GMDS: variants seen among roughly 807,000 people sequenced by gnomAD.
GMDS encodes the protein GDP-mannose 4,6 dehydratase.
A neutral mutation model predicts 49.9 loss-of-function variants in GMDS; 20 were observed. The observed-to-expected ratio is 0.40, with a 90% CI of 0.28 to 0.58. The LOEUF (loss-of-function observed/expected upper bound fraction) is 0.58. Among genes scored for constraint, GMDS ranks in the 20% least tolerant of loss-of-function variants. GMDS has a pLI of 0.42. For missense variants in GMDS, 362 were observed against 481.4 expected, an observed-to-expected ratio of 0.75 and a Z score of 2.32; for synonymous variants, 177 against 178.6, an observed-to-expected ratio of 0.99 and a Z score of 0.07.
chr6:1,991,384 T>C (rs1193616820), intron 4 of GMDS, among the ~76,000 whole-genome samples: 1 of 152,022 alleles, frequency 6.6e-6, no homozygotes, highest in Non-Finnish European at 1.5e-5. Context: ...CCCCACATCG[T>C]CACCCACCCC....
intron 7 of GMDS, among the ~76,000 whole-genome samples, chr6:1,852,660 T>C (rs1757733821): frequency 6.6e-6 from 1 of 152,172 alleles, no homozygotes; most frequent in Non-Finnish European, 1.5e-5. Flanking sequence ...TATCCTGAAC[T>C]ATTTTTTCTG....
chr6:1,866,365 C>A (rs1222945722), intron 7 of GMDS, among the ~76,000 whole-genome samples: 1 of 152,134 alleles, frequency 6.6e-6, no homozygotes, highest in Non-Finnish European at 1.5e-5. Flanking sequence ...AAGGCCTGAG[C>A]TTCACGAAGT....
At position 1,726,402 on chromosome 6, in the gene GMDS, CAG is replaced by C. The variant is rs771381227; in HGVS notation, c.987+12_987+13del. On this transcript the variant is annotated intron_variant, in intron 9 of 10. Coordinates refer to ENST00000380815, the MANE Select transcript of GMDS (RefSeq NM_001500.4). ...CAAATGTGGCCACGCACTGGGTGGC[CAG>C]AGAGTCCTTACCACTTCAGTTGGCC... The C allele has an allele frequency of 1.9e-6, 3 of 1,584,930 alleles. No individual in the cohort carries two copies. The highest frequency in any genetic ancestry group is 2.2e-5 in the South Asian group (2 of 90,542).
chr6:2,096,794 C>A (rs1265312075), intron 4 of GMDS, among the ~76,000 whole-genome samples: 3 of 152,156 alleles, frequency 2.0e-5, no homozygotes, highest in Admixed American at 2.0e-4. Context: ...GCTCCAAGTA[C>A]AGTTATCTCA....
chr6:1,852,968 C>T (rs960255103), intron 7 of GMDS, among the ~76,000 whole-genome samples: 6 of 151,874 alleles, frequency 4.0e-5, no homozygotes, highest in African/African-American at 1.4e-4. Flanking sequence ...TCCCAAAGTG[C>T]TGGGATTACA....
chr6:2,163,823 A>G (rs533300238), intron 1 of GMDS, among the ~76,000 whole-genome samples: 2 of 152,192 alleles, frequency 1.3e-5, no homozygotes, highest in African/African-American at 2.4e-5. Context: ...TAGGTTTCCC[A>G]ATTCAGTGAC....
rs11961354 is a variant in GMDS, at chr6:1,810,999, C to G, written c.772-68413G>C. ...GTCTTTTCTCCTAGTTTTTTTTTTCCCTCTCCCAGTATTGCTGTAAAGTGG... is the reference window on the plus strand; with the variant it reads ...GTCTTTTCTCCTAGTTTTTTTTTTCGCTCTCCCAGTATTGCTGTAAAGTGG... On this transcript the variant is annotated intron_variant, in intron 7 of 10. Coordinates refer to ENST00000380815, the MANE Select transcript of GMDS (RefSeq NM_001500.4). Among the ~76,000 whole-genome samples, 986 of 151,196 alleles carry G rather than the reference C, an allele frequency of 6.5e-3. 9 individuals carry two copies. Among genetic ancestry groups the G allele is most frequent in the African/African-American group, 0.023 (948 of 41,216 alleles).
At chr6:1,794,979 C>T (rs903879368) in intron 7 of GMDS, among the ~76,000 whole-genome samples, 1 of 152,062 alleles carries the variant, frequency 6.6e-6, no homozygotes, top group Non-Finnish European at 1.5e-5. Flanking sequence ...TACTTGAGCC[C>T]AGGAGTTTGA....
At position 1,650,964 on chromosome 6, in the gene GMDS, A is replaced by G. The variant is rs545483313; in HGVS notation, c.988-26424T>C. On this transcript the variant is annotated intron_variant, in intron 9 of 10. Transcript: ENST00000380815. ...TTGTTAGATTGAAAAGCAAATGAGT[A>G]GATGAATGAAACAGAAAAGTACTCG... Among the ~76,000 whole-genome samples, 3 of 152,368 alleles carry G rather than the reference A, an allele frequency of 2.0e-5. No homozygotes were observed. In the South Asian group the frequency reaches 6.2e-4, roughly 32 times the overall value.
intron 2 of GMDS, among the ~76,000 whole-genome samples, chr6:2,120,283 A>G (rs1272570830): frequency 6.6e-6 from 1 of 152,158 alleles, no homozygotes; most frequent in African/African-American, 2.4e-5. Context: ...AAGGACATAG[A>G]CTTGGTCAGC....
chr6:1,955,359 T>G (rs1763573033), intron 6 of GMDS, among the ~76,000 whole-genome samples: 1 of 152,188 alleles, frequency 6.6e-6, no homozygotes. Flanking sequence ...TGAGTACATA[T>G]GAAAGAAAGC....
At chr6:2,027,335 T>C (rs964601252) in intron 4 of GMDS, among the ~76,000 whole-genome samples, 4 of 152,192 alleles carry the variant, frequency 2.6e-5, no homozygotes, top group Non-Finnish European at 5.9e-5. Context: ...ATAGAGAGAT[T>C]CACAGGTAGA....
intron 6 of GMDS, among the ~76,000 whole-genome samples, chr6:1,940,506 A>G (rs964162567): frequency 6.6e-6 from 1 of 152,216 alleles, no homozygotes; most frequent in Non-Finnish European, 1.5e-5. Flanking sequence ...TGTGGAAAGA[A>G]GAGACACTGA....
At chr6:1,928,821 T>C (rs1762148822) in intron 7 of GMDS, among the ~76,000 whole-genome samples, 1 of 151,852 alleles carries the variant, frequency 6.6e-6, no homozygotes, top group South Asian at 2.1e-4. Context: ...AAACAAAAAT[T>C]AGTCGGGTGT....
At chr6:2,243,840 CTTCTTTTTTTTTTTTTTTTT>C (rs1236721426) in intron 1 of GMDS, among the ~76,000 whole-genome samples, 18 of 127,128 alleles carry the variant, frequency 1.4e-4, no homozygotes, top group South Asian at 4.8e-4. Context: ...TCAACTTCTC[CTTCTTTTTTTTTTTTTTTTT>C]TTTTTTTTTT....
In GMDS at chr6:1,879,437, C is replaced by A. The variant is rs3800115; in HGVS notation, c.771+50666G>T. 8.7e-3 allele frequency among the ~76,000 whole-genome samples: 1,319 copies of A among 152,090 alleles called. 20 individuals carry two copies. Among genetic ancestry groups the A allele is most frequent in the African/African-American group, 0.03 (1,238 of 41,506 alleles). ...GAGTAAACTTCAAGTGACTTCAGAGCCCCTATGGGCCAATGAGCCAATATG... is the reference window on the plus strand; with the variant it reads ...GAGTAAACTTCAAGTGACTTCAGAGACCCTATGGGCCAATGAGCCAATATG... On this transcript the variant is annotated intron_variant, in intron 7 of 10. Transcript: ENST00000380815.
chr6:2,099,010 T>C (rs939819543), intron 4 of GMDS, among the ~76,000 whole-genome samples: 3 of 152,158 alleles, frequency 2.0e-5, no homozygotes, highest in African/African-American at 7.2e-5. Flanking sequence ...TTTTCTGCTA[T>C]AGGTGGAATT....
At chr6:2,011,699 G>A (rs1377334765) in intron 4 of GMDS, among the ~76,000 whole-genome samples, 3 of 152,212 alleles carry the variant, frequency 2.0e-5, no homozygotes, top group African/African-American at 7.2e-5. Flanking sequence ...GGATTTGCCT[G>A]AGGCAAGGAG....
At chr6:1,737,500 A>ACACACAC (rs1767039995) in intron 8 of GMDS, among the ~76,000 whole-genome samples, 4 of 148,164 alleles carry the variant, frequency 2.7e-5, no homozygotes, top group African/African-American at 9.9e-5. Context: ...CACACACACA[A>ACACACAC]ACACACACAC....
Sources: allele counts gnomAD v4.1 joint callset (sites outside exome capture counted in the v4.1 genomes callset), GRCh38; gene constraint gnomAD v4.1.1; transcripts MANE v1.5; gene names NCBI Gene and HGNC (gene_info 2026-07-23, HGNC 2026-07-21).